The following CACNA2D1 variants were observed in gnomAD, a reference collection of about 807,000 sequenced individuals.
CACNA2D1 encodes the protein calcium voltage-gated channel auxiliary subunit alpha2delta 1, also known as voltage-dependent calcium channel subunit alpha-2/delta-1.
Under a neutral mutation model 171.5 loss-of-function variants are expected in CACNA2D1, and 53 were observed. That is an observed-to-expected ratio of 0.31 (90% confidence interval 0.25 to 0.39). CACNA2D1 has a LOEUF of 0.39. Among genes scored for constraint, CACNA2D1 ranks in the 10% least tolerant of loss-of-function variants. The probability of loss-of-function intolerance (pLI) is 1.00; values close to 1 mark genes in which losing one functional copy is unlikely to be tolerated. For missense variants in CACNA2D1, 903 were observed against 1,299.8 expected, an observed-to-expected ratio of 0.69 and a Z score of 4.69; for synonymous variants, 442 against 443.1, an observed-to-expected ratio of 1.00 and a Z score of 0.03.
At chr7:82,332,561 A>C (rs189145339) in intron 3 of CACNA2D1, among the ~76,000 whole-genome samples, 3,270 of 140,450 alleles carry the variant, frequency 0.023, 57 homozygotes, top group Middle Eastern at 0.04. Context: ...AAAGAAAGAA[A>C]GAAAGAACGA....
At chr7:82,285,301 A>G (rs1205492913) in intron 3 of CACNA2D1, among the ~76,000 whole-genome samples, 1 of 151,738 alleles carries the variant, frequency 6.6e-6, no homozygotes, top group African/African-American at 2.4e-5. Flanking sequence ...TCATGGTCAT[A>G]TCTTTCCTCA....
chr7:82,150,440 T>G (rs931426875), intron 4 of CACNA2D1, among the ~76,000 whole-genome samples: 1 of 148,548 alleles, frequency 6.7e-6, no homozygotes, highest in Non-Finnish European at 1.5e-5. Flanking sequence ...AAAAAAAAAA[T>G]TGAAATCTCT....
At chr7:82,141,465 G>A (rs1178598431) in intron 4 of CACNA2D1, among the ~76,000 whole-genome samples, 1 of 152,160 alleles carries the variant, frequency 6.6e-6, no homozygotes, top group African/African-American at 2.4e-5. Flanking sequence ...CCTTAACCCA[G>A]TCTCCTGTTC....
intron 4 of CACNA2D1, among the ~76,000 whole-genome samples, chr7:82,155,501 AC>A (rs1458619082): frequency 1.7e-4 from 26 of 152,258 alleles, no homozygotes; most frequent in African/African-American, 3.6e-4. Flanking sequence ...AATATACCAT[AC>A]ATTTTTTTGT....
intron 3 of CACNA2D1, among the ~76,000 whole-genome samples, chr7:82,172,616 C>CTTTT (rs55737158): frequency 2.5e-4 from 16 of 64,506 alleles, no homozygotes; most frequent in African/African-American, 9.8e-4. Context: ...AGAAACCCGG[C>CTTTT]TTTTTTTTTT....
At chr7:82,176,671 A>G (rs1796567812) in intron 3 of CACNA2D1, among the ~76,000 whole-genome samples, 1 of 151,738 alleles carries the variant, frequency 6.6e-6, no homozygotes, top group Non-Finnish European at 1.5e-5. Context: ...CAACTAGATA[A>G]ATACCCTGAC....
At position 82,150,257 on chromosome 7, in the gene CACNA2D1, T is replaced by TAAAAAAAAAAAAA. The variant is rs565121488; in HGVS notation, c.355-13582_355-13581insTTTTTTTTTTTTT. Among the ~76,000 whole-genome samples the TAAAAAAAAAAAAA allele has an allele frequency of 4.2e-4, 39 of 92,846 alleles. 4 individuals are homozygous for TAAAAAAAAAAAAA. Among genetic ancestry groups the TAAAAAAAAAAAAA allele is most frequent in the African/African-American group, 5.9e-4 (16 of 27,226 alleles). The allele number at this position is 92,846 out of a possible 152,430, so 60.9% of individuals were successfully genotyped here. A position where few individuals can be genotyped will look rare whatever the true frequency, so the allele number is the denominator to read the frequency against. ...CTAACTGCTTTGCTTTAGATCAAAT[T>TAAAAAAAAAAAAA]AAAAAAAAAAAACAAAAACAACAAC... is the stretch of plus-strand genomic sequence containing the variant. On this transcript the variant is annotated intron_variant, in intron 4 of 38. Coordinates refer to ENST00000356860, the MANE Select transcript of CACNA2D1 (RefSeq NM_000722.4).
chr7:82,115,395 C>A (rs940583132), intron 6 of CACNA2D1, among the ~76,000 whole-genome samples: 2 of 151,636 alleles, frequency 1.3e-5, no homozygotes, highest in African/African-American at 4.8e-5. Context: ...ATACAATGGT[C>A]AAAGAAAAAA....
rs570625301 is a variant in CACNA2D1, at chr7:82,179,295, A to G, written c.295-8686T>C. On this transcript the variant is annotated intron_variant, in intron 3 of 38. Transcript: ENST00000356860. ...TGCAGATTCAAAAACCCAGGAAGGA[A>G]TCACTGTGGAGAAGGGAGAGAAAAT... Among the ~76,000 whole-genome samples the G allele has an allele frequency of 2.6e-5, 4 of 152,188 alleles. No homozygotes were observed. The South Asian group carries it at 8.3e-4, about 32-fold the overall frequency.
At chr7:82,202,033 T>A (rs1267528866) in intron 3 of CACNA2D1, among the ~76,000 whole-genome samples, 1 of 152,140 alleles carries the variant, frequency 6.6e-6, no homozygotes, top group Non-Finnish European at 1.5e-5. Context: ...GAGGCAGACA[T>A]CTGATCCAGC....
intron 6 of CACNA2D1, among the ~76,000 whole-genome samples, chr7:82,088,604 C>A (rs988393623): frequency 2.0e-5 from 3 of 151,744 alleles, no homozygotes; most frequent in African/African-American, 7.3e-5. Flanking sequence ...AAATTAGTAG[C>A]CAAATAATGT....
chr7:81,948,220 G>A lies in CACNA2D1; in HGVS notation c.*2172C>T, dbSNP rs374252622. On this transcript the variant is annotated 3_prime_UTR_variant, in exon 39 of 39. Coordinates refer to ENST00000356860, the MANE Select transcript of CACNA2D1 (RefSeq NM_000722.4). Reference sequence around the variant, plus strand: ...CCCAACACTATCATGATTTAAGATAGTCTAGCAAAAATTGAACAATAACTT... The same window carrying A: ...CCCAACACTATCATGATTTAAGATAATCTAGCAAAAATTGAACAATAACTT... The A allele has an allele frequency of 1.3e-5, 2 of 151,936 alleles. No homozygotes were observed. Among genetic ancestry groups the A allele is most frequent in the Admixed American group, 6.6e-5 (1 of 15,246 alleles). 9.4% of individuals were successfully genotyped at this position (151,936 alleles called of 1,614,324 possible).
intron 3 of CACNA2D1, among the ~76,000 whole-genome samples, chr7:82,178,488 G>T (rs1048021033): frequency 6.6e-6 from 1 of 152,058 alleles, no homozygotes; most frequent in Non-Finnish European, 1.5e-5. Flanking sequence ...AATGAATTAC[G>T]TGTTGAACTT....
intron 10 of CACNA2D1, among the ~76,000 whole-genome samples, chr7:82,038,917 C>A (rs537054457): frequency 1.3e-5 from 2 of 152,074 alleles, no homozygotes; most frequent in Non-Finnish European, 2.9e-5. Flanking sequence ...AATTTAAGAA[C>A]GATCATCAAA....
At chr7:82,031,853 G>A (rs1410801887) in intron 12 of CACNA2D1, among the ~76,000 whole-genome samples, 2 of 151,832 alleles carry the variant, frequency 1.3e-5, no homozygotes, top group African/African-American at 2.4e-5. Flanking sequence ...CTTTCAAAAT[G>A]GTGAAAATTC....
chr7:82,085,605 G>C (rs900977582), intron 6 of CACNA2D1, among the ~76,000 whole-genome samples: 1 of 151,360 alleles, frequency 6.6e-6, no homozygotes, highest in East Asian at 1.9e-4. Flanking sequence ...TTTAGTAATG[G>C]GAAAATTTAC....
At chr7:82,296,878 C>T (rs1191215073) in intron 3 of CACNA2D1, among the ~76,000 whole-genome samples, 2 of 151,782 alleles carry the variant, frequency 1.3e-5, no homozygotes, top group East Asian at 1.9e-4. Flanking sequence ...TGGTGACTGC[C>T]TATGTATCTG....
Position 81,958,102 on chromosome 7 carries a change from AG to A in CACNA2D1, c.3159+1172del, listed in dbSNP as rs1322387082. Among the ~76,000 whole-genome samples, 181 of 145,566 alleles carry A rather than the reference AG, an allele frequency of 1.2e-3. 4 individuals carry two copies. Among genetic ancestry groups the A allele is most frequent in the East Asian group, 7.8e-3 (40 of 5,150 alleles). ...TATCTGGACTTAATATATCTTAAAA[AG>A]AAAAAAAAAACGCTTAGTTGCAATG... On this transcript the variant is annotated intron_variant, in intron 38 of 38. Transcript: ENST00000356860.
At chr7:82,046,308 C>G (rs7788322) in intron 10 of CACNA2D1, among the ~76,000 whole-genome samples, 1 of 152,114 alleles carries the variant, frequency 6.6e-6, no homozygotes, top group East Asian at 1.9e-4. Context: ...AAGGTATGGT[C>G]ACCCTCTCAC....
Sources: gnomAD v4.1 joint callset for allele counts (sites outside exome capture counted in the v4.1 genomes callset) on GRCh38, gnomAD v4.1.1 for gene constraint, MANE v1.5 for transcripts, NCBI Gene and HGNC (gene_info 2026-07-23, HGNC 2026-07-21) for gene names.